NALCN: variants seen among roughly 807,000 people sequenced by gnomAD.
The protein encoded by NALCN is sodium leak channel NALCN.
NALCN carries 111 observed loss-of-function variants against 225.3 expected under a neutral mutation model. The observed-to-expected ratio is 0.49, with a 90% confidence interval of 0.42 to 0.58. NALCN has a LOEUF of 0.58. NALCN is among the 20% of genes least tolerant of loss of function. NALCN has a pLI of 0.00. For synonymous variants in NALCN, 764 were observed against 769.0 expected, an observed-to-expected ratio of 0.99 and a Z score of 0.11; for missense variants, 1,378 against 2,202.4, an observed-to-expected ratio of 0.63 and a Z score of 7.49.
intron 28 of NALCN, among the ~76,000 whole-genome samples, 179 bp downstream of exon 28, chr13:101,095,395 C>T (rs1009005735): frequency 6.6e-6 from 1 of 151,932 alleles, no homozygotes; most frequent in African/African-American, 2.4e-5. Flanking sequence ...TACTTGCTCT[C>T]TTATTTTTTA....
chr13:101,171,323 T>G (rs902000215), intron 15 of NALCN, among the ~76,000 whole-genome samples: 1 of 148,862 alleles, frequency 6.7e-6, no homozygotes, highest in Non-Finnish European at 1.5e-5. Flanking sequence ...CATATACGTA[T>G]AGATATTACA....
At chr13:101,216,239 G>A (rs1473688340) in intron 13 of NALCN, among the ~76,000 whole-genome samples, 2 of 151,940 alleles carry the variant, frequency 1.3e-5, no homozygotes, top group Non-Finnish European at 2.9e-5. Context: ...ACATAATATT[G>A]AGCAATAAAA....
At chr13:101,241,741 C>T (rs2041766032) in intron 11 of NALCN, among the ~76,000 whole-genome samples, 1 of 152,274 alleles carries the variant, frequency 6.6e-6, no homozygotes, top group East Asian at 1.9e-4. Flanking sequence ...CCATGCCCGG[C>T]CAGAGATAAC....
At chr13:101,170,064 G>C (rs1594355615) in intron 15 of NALCN, among the ~76,000 whole-genome samples, 1 of 151,392 alleles carries the variant, frequency 6.6e-6, no homozygotes, top group African/African-American at 2.4e-5. Context: ...ACTCAATATA[G>C]GCGACAAAAT....
chr13:101,191,448 T>G (rs1319528526), intron 14 of NALCN, among the ~76,000 whole-genome samples: 2 of 152,130 alleles, frequency 1.3e-5, no homozygotes, highest in Admixed American at 1.3e-4. Flanking sequence ...CAGTCGCACA[T>G]AGCACAAAAC....
chr13:101,338,642 G>T (rs114739987), intron 7 of NALCN, among the ~76,000 whole-genome samples: 1 of 152,030 alleles, frequency 6.6e-6, no homozygotes, highest in Admixed American at 6.6e-5. Flanking sequence ...GATTTATTTC[G>T]CATATATGGT....
chr13:101,263,015 G>T (rs908483341), intron 10 of NALCN, among the ~76,000 whole-genome samples: 9 of 152,170 alleles, frequency 5.9e-5, no homozygotes, highest in African/African-American at 2.2e-4. Context: ...TTCTGTTCGG[G>T]AATGAGAAAT....
intron 7 of NALCN, among the ~76,000 whole-genome samples, chr13:101,344,490 G>A (rs981245852): frequency 1.4e-4 from 22 of 152,204 alleles, no homozygotes; most frequent in Admixed American, 1.4e-3. Flanking sequence ...GGTTTAGCAC[G>A]CAGGCCTGAC....
chr13:101,238,684 A>G (rs549547777), intron 11 of NALCN, among the ~76,000 whole-genome samples: 13 of 152,102 alleles, frequency 8.5e-5, no homozygotes, highest in Middle Eastern at 3.4e-3. Context: ...ATAGAAGATT[A>G]ACTTCTAATT....
intron 17 of NALCN, among the ~76,000 whole-genome samples, chr13:101,135,082 C>T (rs2139748934): frequency 6.6e-6 from 1 of 152,204 alleles, no homozygotes; most frequent in South Asian, 2.1e-4. Context: ...GTAGTCCCAG[C>T]TACTCAGGAG....
At chr13:101,205,597 A>G (rs1056472930) in intron 13 of NALCN, among the ~76,000 whole-genome samples, 2 of 152,194 alleles carry the variant, frequency 1.3e-5, no homozygotes, top group Non-Finnish European at 1.5e-5. Context: ...CAGCTGTGAA[A>G]ATGAGACCTG....
chr13:101,392,004 C>CA (rs534647076), intron 3 of NALCN, among the ~76,000 whole-genome samples: 185 of 134,650 alleles, frequency 1.4e-3, no homozygotes, highest in African/African-American at 3.4e-3. Context: ...AAAACAAAAA[C>CA]AAAAAAAAAA....
intron 15 of NALCN, among the ~76,000 whole-genome samples, chr13:101,149,148 C>T (rs1049817375): frequency 6.6e-6 from 1 of 152,070 alleles, no homozygotes; most frequent in South Asian, 2.1e-4. Flanking sequence ...AAAAAATTAG[C>T]TGGGCGTGGT....
chr13:101,160,866 G>A (rs191248735), intron 15 of NALCN, among the ~76,000 whole-genome samples: 80 of 152,214 alleles, frequency 5.3e-4, no homozygotes, highest in African/African-American at 1.9e-3. Context: ...GACCAAATCT[G>A]TTCTTATTGA....
chr13:101,070,022 A>T (rs2032733077), intron 37 of NALCN, among the ~76,000 whole-genome samples: 1 of 147,938 alleles, frequency 6.8e-6, no homozygotes, highest in African/African-American at 2.5e-5. Flanking sequence ...AATTCCTGTT[A>T]ATGTTGATGA....
chr13:101,083,865 G>A (rs926889862), intron 30 of NALCN, 61 bp from the exon 31 acceptor site: 64 of 1,500,274 alleles, frequency 4.3e-5, no homozygotes, highest in Non-Finnish European at 5.4e-5. Context: ...CAAGAACATG[G>A]CAGATGGGGT....
intron 17 of NALCN, among the ~76,000 whole-genome samples, chr13:101,126,788 G>A (rs2036255820): frequency 6.6e-6 from 1 of 152,098 alleles, no homozygotes; most frequent in Admixed American, 6.6e-5. Flanking sequence ...ACCACACCCG[G>A]CCAAAAGTTG....
At chr13:101,239,305 TA>T (rs1475599777) in intron 11 of NALCN, among the ~76,000 whole-genome samples, 2 of 151,930 alleles carry the variant, frequency 1.3e-5, no homozygotes, top group Non-Finnish European at 2.9e-5. Context: ...TCTATACACT[TA>T]TTATGTATAA....
intron 6 of NALCN, among the ~76,000 whole-genome samples, chr13:101,356,968 CT>C (rs1243122359): frequency 9.2e-5 from 14 of 152,202 alleles, no homozygotes; most frequent in African/African-American, 2.6e-4. Context: ...CAGAAAAGGC[CT>C]TTGATAAAAT....
Sources: gnomAD v4.1 joint callset for allele counts (sites outside exome capture counted in the v4.1 genomes callset) on GRCh38, gnomAD v4.1.1 for gene constraint, MANE v1.5 for transcripts, NCBI Gene and HGNC (gene_info 2026-07-23, HGNC 2026-07-21) for gene names.